CUX2: variants seen among roughly 807,000 people sequenced by gnomAD.
The protein encoded by CUX2 is homeobox protein cut-like 2.
A neutral mutation model predicts 144.8 loss-of-function variants in CUX2; 40 were observed. That is an observed-to-expected ratio of 0.28 (90% CI 0.21 to 0.36). The LOEUF (loss-of-function observed/expected upper bound fraction) is 0.36. Among genes scored for constraint, CUX2 ranks in the 10% least tolerant of loss-of-function variants. CUX2 has a pLI of 1.00. For missense variants in CUX2, 1,615 were observed against 1,994.0 expected (o/e 0.81, Z 3.62); for synonymous variants, 827 against 875.6 (o/e 0.94, Z 0.98).
intron 1 of CUX2, among the ~76,000 whole-genome samples, chr12:111,093,059 A>G (rs1395185124): frequency 1.3e-5 from 2 of 152,110 alleles, no homozygotes; most frequent in East Asian, 3.8e-4. Flanking sequence ...CAAGAGATCC[A>G]CCTGCCTTGG....
intron 4 of CUX2, among the ~76,000 whole-genome samples, chr12:111,279,798 A>G (rs1032400879): frequency 6.6e-6 from 1 of 152,214 alleles, no homozygotes; most frequent in African/African-American, 2.4e-5. Context: ...CCTGGCCAAC[A>G]TGGTGAAACC....
At chr12:111,175,006 G>T (rs574030121) in intron 1 of CUX2, among the ~76,000 whole-genome samples, 145 of 152,252 alleles carry the variant, frequency 9.5e-4, no homozygotes, top group African/African-American at 3.3e-3. Flanking sequence ...AGTCTAAATT[G>T]TCTCTGGAAG....
In CUX2 at chr12:111,310,060, C is replaced by T. The variant is rs529010039; in HGVS notation, c.1278C>T (p.Asp426=). ...TTCTAGAGGAAGACCCATCAGAGGA[C>T]GATTCCATCAAGGATTCACTGGGCA... ...LASPEEDPSE[D]DSIKDSLGTE... Residue 426 remains aspartate, a synonymous_variant, in exon 15 of 22, where the codon GAC becomes GAT. Transcript: ENST00000261726. The surrounding 1 kb of genome is among the most constrained non-coding windows in gnomAD (Gnocchi z 7.9). 174 of 1,362,092 alleles carry T rather than the reference C, an allele frequency of 1.3e-4. No individual in the cohort carries two copies. The highest frequency in any genetic ancestry group is 1.9e-4 in the Middle Eastern group (1 of 5,304). The allele number at this position is 1,362,092 out of a possible 1,614,324, so 84.4% of individuals were successfully genotyped here. A position where few individuals can be genotyped will look rare whatever the true frequency, so the allele number is the denominator to read the frequency against.
intron 1 of CUX2, among the ~76,000 whole-genome samples, chr12:111,049,036 A>T (rs1870133091): frequency 6.6e-6 from 1 of 151,980 alleles, no homozygotes; most frequent in African/African-American, 2.4e-5. Flanking sequence ...GTATCCATCC[A>T]CCTAACACTT....
At chr12:111,187,134 A>G (rs1463974049) in intron 1 of CUX2, among the ~76,000 whole-genome samples, 1 of 152,218 alleles carries the variant, frequency 6.6e-6, no homozygotes, top group African/African-American at 2.4e-5. Context: ...TTGCCAGTGC[A>G]GAGCTGGGGC....
intron 1 of CUX2, among the ~76,000 whole-genome samples, chr12:111,137,449 A>G (rs1036178802): frequency 2.0e-5 from 3 of 152,140 alleles, no homozygotes; most frequent in Admixed American, 6.5e-5. Flanking sequence ...GAAGGGGAAA[A>G]TGGTAGAGCA....
intron 1 of CUX2, among the ~76,000 whole-genome samples, chr12:111,162,166 G>A (rs571506325): frequency 5.3e-5 from 8 of 152,346 alleles, no homozygotes; most frequent in African/African-American, 7.2e-5. Flanking sequence ...CGGCATTGCC[G>A]GGCCTGGTGT....
chr12:111,333,268 G>A (rs746809417), intron 18 of CUX2, among the ~76,000 whole-genome samples: 5 of 151,874 alleles, frequency 3.3e-5, no homozygotes, highest in Non-Finnish European at 4.4e-5. Flanking sequence ...CCTGTGGTCC[G>A]AGCTGCTTGG....
chr12:111,231,753 A>G (rs999730934), intron 3 of CUX2, among the ~76,000 whole-genome samples: 8 of 152,266 alleles, frequency 5.3e-5, no homozygotes, highest in Non-Finnish European at 1.2e-4. Flanking sequence ...ACAGTATAAC[A>G]GCTATTTATA....
In CUX2 at chr12:111,312,373, C is replaced by A. The variant is rs574028424; in HGVS notation, c.2002+172C>A. ...TGGGTAGCTGTGGCACTGCTCAGAACCCTGCCATGGTTCCACACAGCTCTC... is the reference window on the plus strand; with the variant it reads ...TGGGTAGCTGTGGCACTGCTCAGAAACCTGCCATGGTTCCACACAGCTCTC... On this transcript the variant is annotated intron_variant, in intron 16 of 21. Coordinates refer to ENST00000261726, the MANE Select transcript of CUX2 (RefSeq NM_015267.4). This position sits in a 1 kb window ranked among gnomAD's most constrained non-coding sequence, Gnocchi z 4.3. Among the ~76,000 whole-genome samples the A allele has an allele frequency of 6.6e-6, 1 of 152,256 alleles. No individual in the cohort carries two copies. Among genetic ancestry groups the A allele is most frequent in the African/African-American group, 2.4e-5 (1 of 41,572 alleles).
Position 111,312,326 on chromosome 12 carries a change from A to C in CUX2, c.2002+125A>C. 1.3e-6 allele frequency: 1 copy of C among 773,982 alleles called. No homozygotes were observed. Among genetic ancestry groups the C allele is most frequent in the East Asian group, 2.8e-5 (1 of 35,846 alleles). The allele number at this position is 773,982 out of a possible 1,614,324, so 47.9% of individuals were successfully genotyped here. A position where few individuals can be genotyped will look rare whatever the true frequency, so the allele number is the denominator to read the frequency against. On this transcript the variant is annotated intron_variant, in intron 16 of 21. Coordinates refer to ENST00000261726, the MANE Select transcript of CUX2 (RefSeq NM_015267.4). The surrounding 1 kb of genome is among the most constrained non-coding windows in gnomAD (Gnocchi z 4.3). ...AGGTGGATCAGAACCACCAGAGGCC[A>C]GAGGGACCTGTCTAGAGCGCATGGG... is the stretch of plus-strand genomic sequence containing the variant.
intron 18 of CUX2, among the ~76,000 whole-genome samples, chr12:111,324,410 G>A (rs1355172568): frequency 6.6e-6 from 1 of 151,980 alleles, no homozygotes; most frequent in South Asian, 2.1e-4. Context: ...AGCTGGGGAG[G>A]GAGGTTGCAC....
intron 1 of CUX2, among the ~76,000 whole-genome samples, chr12:111,188,901 G>A (rs1159148822): frequency 6.6e-6 from 1 of 152,172 alleles, no homozygotes; most frequent in African/African-American, 2.4e-5. Context: ...TGGCCGTAGA[G>A]ACAGCAAGAT....
At chr12:111,344,489 G>A (rs1888711361) in intron 21 of CUX2, among the ~76,000 whole-genome samples, 1 of 152,152 alleles carries the variant, frequency 6.6e-6, no homozygotes, top group Admixed American at 6.5e-5. Flanking sequence ...AACTATCAAA[G>A]GGTTATAATT....
chr12:111,195,948 A>T (rs1365947889), intron 1 of CUX2, among the ~76,000 whole-genome samples: 1 of 152,150 alleles, frequency 6.6e-6, no homozygotes, highest in Non-Finnish European at 1.5e-5. Flanking sequence ...TACAACCATC[A>T]CCACATCCAG....
intron 18 of CUX2, among the ~76,000 whole-genome samples, chr12:111,332,268 G>A (rs1422449691): frequency 7.2e-6 from 1 of 138,936 alleles, no homozygotes; most frequent in Admixed American, 7.2e-5. Flanking sequence ...GAGTAGCTGG[G>A]ATTACAGGCA....
chr12:111,124,304 C>A (rs1874898729), intron 1 of CUX2, among the ~76,000 whole-genome samples: 1 of 152,188 alleles, frequency 6.6e-6, no homozygotes, highest in Non-Finnish European at 1.5e-5. Flanking sequence ...GAAAACTATT[C>A]ATTTTTACGC....
intron 1 of CUX2, among the ~76,000 whole-genome samples, chr12:111,208,749 C>G (rs1158260230): frequency 6.6e-6 from 1 of 152,214 alleles, no homozygotes; most frequent in Non-Finnish European, 1.5e-5. Flanking sequence ...TTCTGAGGAA[C>G]AGTTCTGCCT....
chr12:111,159,221 G>A (rs530118172), intron 1 of CUX2, among the ~76,000 whole-genome samples: 31 of 152,174 alleles, frequency 2.0e-4, no homozygotes, highest in Admixed American at 6.5e-5. Context: ...ATCGTAGCTC[G>A]CTGCAACCCC....
Sources: allele counts gnomAD v4.1 joint callset (sites outside exome capture counted in the v4.1 genomes callset), GRCh38; gene constraint gnomAD v4.1.1; non-coding constraint Gnocchi (gnomAD v3.1); transcripts MANE v1.5; gene names NCBI Gene and HGNC (gene_info 2026-07-23, HGNC 2026-07-21).